Variants in RANBP17 observed in about 807,000 individuals in gnomAD.
RANBP17 encodes ran-binding protein 17.
In RANBP17, 158 loss-of-function variants were observed where a neutral mutation model predicts 141.2. The ratio of observed to expected loss-of-function variants is 1.12; its 90% CI spans 0.98 to 1.28. RANBP17 has a LOEUF of 1.28. Ranked by LOEUF, RANBP17 falls within the 50% of genes most tolerant of loss-of-function variation. RANBP17 has a pLI of 0.00. For synonymous variants in RANBP17, 430 were observed against 450.0 expected (o/e 0.96, Z 0.56); for missense variants, 1,438 against 1,290.7 (o/e 1.11, Z -1.75).
At chr5:170,976,442 T>A (rs1036491708) in intron 14 of RANBP17, among the ~76,000 whole-genome samples, 16 of 152,172 alleles carry the variant, frequency 1.1e-4, no homozygotes, top group African/African-American at 3.9e-4. Flanking sequence ...ACACAATCTC[T>A]ACCAAAATCT....
At position 171,115,318 on chromosome 5, in the gene RANBP17, T is replaced by C. The variant is rs139592560; in HGVS notation, c.1711-54812T>C. Among the ~76,000 whole-genome samples the C allele has an allele frequency of 2.0e-4, 30 of 152,290 alleles. 1 individual carries two copies. In the East Asian group the frequency reaches 5.2e-3, roughly 26 times the overall value. On this transcript the variant is annotated intron_variant, in intron 14 of 27. Coordinates refer to ENST00000523189, the MANE Select transcript of RANBP17 (RefSeq NM_022897.5). The stretch of plus-strand genomic sequence containing the variant: ...TCTACTCCCATTATGAAATGGAAAT[T>C]ATTGAGATCTAATACAATGATAAAG...
chr5:171,063,143 G>A (rs1225674390), intron 14 of RANBP17, among the ~76,000 whole-genome samples: 2 of 152,142 alleles, frequency 1.3e-5, no homozygotes, highest in African/African-American at 4.8e-5. Flanking sequence ...ATCGTCTGAA[G>A]CCTTCTTCTC....
At chr5:171,036,256 C>T (rs1289887622) in intron 14 of RANBP17, among the ~76,000 whole-genome samples, 1 of 152,016 alleles carries the variant, frequency 6.6e-6, no homozygotes, top group Admixed American at 6.6e-5. Flanking sequence ...ATTTTTAGCT[C>T]CCACTTATAA....
intron 14 of RANBP17, among the ~76,000 whole-genome samples, chr5:171,132,892 C>CT (rs953243330): frequency 5.4e-4 from 81 of 148,846 alleles, no homozygotes; most frequent in Non-Finnish European, 7.9e-4. Flanking sequence ...GAATGTTTGT[C>CT]TTTTTTTTTT....
At chr5:171,092,925 T>C (rs1453590450) in intron 14 of RANBP17, among the ~76,000 whole-genome samples, 1 of 152,208 alleles carries the variant, frequency 6.6e-6, no homozygotes, top group Non-Finnish European at 1.5e-5. Flanking sequence ...TTGTGTTGCA[T>C]ATTATGGAAA....
intron 14 of RANBP17, among the ~76,000 whole-genome samples, chr5:171,068,744 G>T (rs1178694840): frequency 6.6e-6 from 1 of 151,856 alleles, no homozygotes; most frequent in Non-Finnish European, 1.5e-5. Flanking sequence ...ACACCACCAC[G>T]CCCGGCTAAT....
chr5:171,102,171 A>G (rs1462401317), intron 14 of RANBP17, among the ~76,000 whole-genome samples: 1 of 152,108 alleles, frequency 6.6e-6, no homozygotes, highest in Non-Finnish European at 1.5e-5. Flanking sequence ...CTCCTGGATA[A>G]TATCCTGAAG....
At chr5:171,022,922 G>A (rs1236371951) in intron 14 of RANBP17, among the ~76,000 whole-genome samples, 1 of 152,180 alleles carries the variant, frequency 6.6e-6, no homozygotes, top group African/African-American at 2.4e-5. Flanking sequence ...GGTTTTGTGA[G>A]TGAGATCATC....
chr5:171,007,054 A>C (rs549216475), intron 14 of RANBP17, among the ~76,000 whole-genome samples: 36 of 152,258 alleles, frequency 2.4e-4, no homozygotes, highest in African/African-American at 7.9e-4. Context: ...GGTGGTTATC[A>C]GTGTGAGATT....
rs541438757 is a variant in RANBP17, at chr5:170,903,197, G to A, written c.490-6464G>A. ...TGCCTTTCTTTCAGAAATGCCTTGC[G>A]CAGAGAAGAGGAATCTACAGAGGCA... On this transcript the variant is annotated intron_variant, in intron 5 of 27. Coordinates refer to ENST00000523189, the MANE Select transcript of RANBP17 (RefSeq NM_022897.5). Among the ~76,000 whole-genome samples, 16 of 152,348 alleles carry A rather than the reference G, an allele frequency of 1.1e-4. No homozygotes were observed. In the East Asian group the frequency reaches 3.1e-3, roughly 29 times the overall value.
chr5:170,909,527 A>AACATT (rs1005103611), intron 5 of RANBP17, 134 bp from the exon 6 acceptor site: 38 of 568,926 alleles, frequency 6.7e-5, no homozygotes, highest in African/African-American at 2.0e-5. Context: ...TTGTAGGAAG[A>AACATT]ACATTAAATT....
chr5:171,191,779 T>C (rs1263523165), intron 18 of RANBP17, among the ~76,000 whole-genome samples: 2 of 152,182 alleles, frequency 1.3e-5, no homozygotes, highest in African/African-American at 4.8e-5. Flanking sequence ...TGACCACATA[T>C]TTTCATCCAC....
chr5:170,871,192 G>A (rs1221645782), intron 1 of RANBP17, among the ~76,000 whole-genome samples: 1 of 152,072 alleles, frequency 6.6e-6, no homozygotes, highest in African/African-American at 2.4e-5. Context: ...GGGATTACAG[G>A]CGCCTGCCAC....
intron 16 of RANBP17, among the ~76,000 whole-genome samples, chr5:171,181,867 G>A (rs1240686397): frequency 6.6e-6 from 1 of 152,212 alleles, no homozygotes; most frequent in Non-Finnish European, 1.5e-5. Context: ...AAAGACATTT[G>A]CATTATCTGA....
intron 14 of RANBP17, among the ~76,000 whole-genome samples, chr5:171,117,143 A>G (rs29649): frequency 0.73 from 110,845 of 152,088 alleles, 40,586 homozygotes; most frequent in South Asian, 0.91. Flanking sequence ...GGGTGGTGGT[A>G]CAGATGTCCC....
chr5:170,906,540 C>A (rs886673116), intron 5 of RANBP17, among the ~76,000 whole-genome samples: 2 of 151,932 alleles, frequency 1.3e-5, no homozygotes, highest in Non-Finnish European at 2.9e-5. Flanking sequence ...CTCCTCTGGG[C>A]TCACCCATTG....
In RANBP17 at chr5:171,102,286, C is replaced by T. The variant is rs540346686; in HGVS notation, c.1711-67844C>T. Among the ~76,000 whole-genome samples, 3 of 152,132 alleles carry T rather than the reference C, an allele frequency of 2.0e-5. No homozygotes were observed. The East Asian group carries it at 5.8e-4, about 29-fold the overall frequency. ...TCCCATATTTCTTGGAGGCTTTGTT[C>T]ATTCTTTTTCATTCTGTTTTCTCTA... is the stretch of plus-strand genomic sequence containing the variant. On this transcript the variant is annotated intron_variant, in intron 14 of 27. Transcript: ENST00000523189.
intron 14 of RANBP17, among the ~76,000 whole-genome samples, chr5:171,037,775 T>C (rs1198824438): frequency 6.6e-6 from 1 of 152,206 alleles, no homozygotes; most frequent in Non-Finnish European, 1.5e-5. Flanking sequence ...TCCATTGGTC[T>C]ATGCATCTGT....
At chr5:170,914,266 G>C (rs571601839) in intron 8 of RANBP17, 26 bp downstream of exon 8, 8 of 1,437,464 alleles carry the variant, frequency 5.6e-6, no homozygotes, top group Non-Finnish European at 6.8e-6. Flanking sequence ...TCGTTATTTC[G>C]TTAAAAAATA....
Sources: gnomAD v4.1 joint callset for allele counts (sites outside exome capture counted in the v4.1 genomes callset) on GRCh38, gnomAD v4.1.1 for gene constraint, MANE v1.5 for transcripts, NCBI Gene and HGNC (gene_info 2026-07-23, HGNC 2026-07-21) for gene names.